Variants in KIAA1217 observed in about 807,000 individuals in gnomAD.
KIAA1217 encodes KIAA1217.
A neutral mutation model predicts 163.9 loss-of-function variants in KIAA1217; 88 were observed. The ratio of observed to expected loss-of-function variants is 0.54; its 90% CI spans 0.45 to 0.64. The LOEUF (loss-of-function observed/expected upper bound fraction) is 0.64, where lower values mean the gene tolerates loss of function less well. Among genes scored for constraint, KIAA1217 ranks in the 30% least tolerant of loss-of-function variants. KIAA1217 has a pLI of 0.00. For synonymous variants in KIAA1217, 903 were observed against 923.1 expected (o/e 0.98, Z 0.39); for missense variants, 2,372 against 2,475.0 (o/e 0.96, Z 0.88).
chr10:24,125,322 C>CTCTGTG (rs934748198), intron 2 of KIAA1217, among the ~76,000 whole-genome samples: 4 of 143,818 alleles, frequency 2.8e-5, no homozygotes, highest in African/African-American at 1.0e-4. Flanking sequence ...ATCCTATGCT[C>CTCTGTG]TGTGTGTGTG....
chr10:24,238,720 A>G (rs754251397), intron 2 of KIAA1217, among the ~76,000 whole-genome samples: 5 of 152,180 alleles, frequency 3.3e-5, no homozygotes, highest in Non-Finnish European at 5.9e-5. Flanking sequence ...AGAAGTATCA[A>G]TTGAAGGTTT....
intron 2 of KIAA1217, among the ~76,000 whole-genome samples, chr10:24,296,184 G>A (rs2040581667): frequency 6.6e-6 from 1 of 152,082 alleles, no homozygotes; most frequent in African/African-American, 2.4e-5. Flanking sequence ...GCTCACTGCA[G>A]CCTTGACCTC....
At chr10:24,242,150 G>T (rs1243366120) in intron 2 of KIAA1217, among the ~76,000 whole-genome samples, 4 of 152,154 alleles carry the variant, frequency 2.6e-5, no homozygotes, top group Non-Finnish European at 5.9e-5. Flanking sequence ...TTTATTTTTA[G>T]ATATAGGAGG....
intron 2 of KIAA1217, among the ~76,000 whole-genome samples, chr10:24,369,753 C>T (rs1479225423): frequency 6.6e-6 from 1 of 152,206 alleles, no homozygotes; most frequent in African/African-American, 2.4e-5. Flanking sequence ...GCAATCCTCA[C>T]ACAGACACCT....
rs141717054 is a variant in KIAA1217 at position 24,402,719 on chromosome 10, C to T, written c.553+21652C>T. ...AACCCAAAATAGAACCACCCAAATACGCCCACTTGGTCTTTTACAAAATTT... is the reference window on the plus strand; with the variant it reads ...AACCCAAAATAGAACCACCCAAATATGCCCACTTGGTCTTTTACAAAATTT... On this transcript the variant is annotated intron_variant, in intron 3 of 20. Transcript: ENST00000376454. Among the ~76,000 whole-genome samples, 833 of 152,168 alleles carry T rather than the reference C, an allele frequency of 5.5e-3. 7 individuals are homozygous for T. The highest frequency in any genetic ancestry group is 0.018 in the African/African-American group (759 of 41,528).
intron 1 of KIAA1217, among the ~76,000 whole-genome samples, chr10:23,712,093 A>AG (rs1837293917): frequency 6.6e-6 from 1 of 152,140 alleles, no homozygotes; most frequent in South Asian, 2.1e-4. Flanking sequence ...CCCACAGGCA[A>AG]GGAAGAAATG....
intron 1 of KIAA1217, among the ~76,000 whole-genome samples, chr10:23,908,021 T>C (rs1842244713): frequency 6.6e-6 from 1 of 151,974 alleles, no homozygotes; most frequent in African/African-American, 2.4e-5. Context: ...GGTAATCAGA[T>C]AATGAATCTC....
rs1281688013 is a variant in KIAA1217, at chr10:24,138,084, CTTAGTA to C, written c.-170-81538_-170-81533del. 2.0e-5 allele frequency among the ~76,000 whole-genome samples: 3 copies of C among 152,102 alleles called. No individual in the cohort carries two copies. The East Asian group carries it at 5.8e-4, about 29-fold the overall frequency. ...ATAGTAGCATAAGGTTCTTTCCAAC[CTTAGTA>C]TTATGCGTAGTTTTCTTCTGGACTT... On this transcript the variant is annotated intron_variant, in intron 2 of 18. Transcript: ENST00000376462.
At chr10:24,538,548 TGGAG>T (rs200883442) in intron 17 of KIAA1217, among the ~76,000 whole-genome samples, 30,947 of 79,878 alleles carry the variant, frequency 0.39, 4,627 homozygotes, top group African/African-American at 0.47. Context: ...GTAGGAGGGA[TGGAG>T]GGAGGGAGGG....
At position 24,412,178 on chromosome 10, in the gene KIAA1217, CAA is replaced by C. The variant is rs11298641; in HGVS notation, c.554-20806_554-20805del. ...GAGAATATCACAAAAATGTTTGGTC[CAA>C]AAAAAAAAAAGAGAAGAAATCTGAA... On this transcript the variant is annotated intron_variant, in intron 3 of 20. Coordinates refer to ENST00000376454, the MANE Select transcript of KIAA1217 (RefSeq NM_019590.5). Among the ~76,000 whole-genome samples, 261 of 144,176 alleles carry C rather than the reference CAA, an allele frequency of 1.8e-3. 2 individuals are homozygous for C. Among genetic ancestry groups the C allele is most frequent in the African/African-American group, 5.8e-3 (232 of 39,740 alleles). 94.6% of individuals were successfully genotyped at this position (144,176 alleles called of 152,430 possible).
At chr10:23,720,068 A>G (rs1382480300) in intron 1 of KIAA1217, among the ~76,000 whole-genome samples, 1 of 151,842 alleles carries the variant, frequency 6.6e-6, no homozygotes, top group African/African-American at 2.4e-5. Flanking sequence ...GGGGATTTGA[A>G]TTTAGTATGA....
At chr10:24,077,081 T>C (rs1241610914) in intron 2 of KIAA1217, among the ~76,000 whole-genome samples, 1 of 152,140 alleles carries the variant, frequency 6.6e-6, no homozygotes, top group East Asian at 1.9e-4. Context: ...TTTACCGTGT[T>C]GGTCAGGCTG....
chr10:23,696,312 A>C (rs1018122589), intron 1 of KIAA1217, among the ~76,000 whole-genome samples: 3 of 152,226 alleles, frequency 2.0e-5, no homozygotes, highest in African/African-American at 7.2e-5. Flanking sequence ...GAGGGTTCTC[A>C]GGAATTTGAT....
chr10:24,016,230 T>C (rs950267057), intron 2 of KIAA1217, among the ~76,000 whole-genome samples: 4 of 152,162 alleles, frequency 2.6e-5, no homozygotes, highest in African/African-American at 7.2e-5. Context: ...CTGTGTATTA[T>C]GTCTGTTATC....
intron 2 of KIAA1217, among the ~76,000 whole-genome samples, chr10:24,149,568 GA>G (rs545071322): frequency 6.6e-6 from 1 of 150,856 alleles, no homozygotes; most frequent in South Asian, 2.1e-4. Flanking sequence ...GAAGTGGCTA[GA>G]AATAAGAAAA....
chr10:24,418,508 A>G (rs1370274292), intron 3 of KIAA1217, among the ~76,000 whole-genome samples: 1 of 152,254 alleles, frequency 6.6e-6, no homozygotes, highest in Non-Finnish European at 1.5e-5. Flanking sequence ...CGCAAATTAC[A>G]TAAAAAATAG....
chr10:24,352,060 A>G, intron 2 of KIAA1217, among the ~76,000 whole-genome samples: 1 of 152,238 alleles, frequency 6.6e-6, no homozygotes. Context: ...GTTTTTCCTC[A>G]TCTTTCATCA....
chr10:24,132,273 G>GA (rs141537661), intron 2 of KIAA1217, among the ~76,000 whole-genome samples: 3 of 151,850 alleles, frequency 2.0e-5, no homozygotes, highest in South Asian at 2.1e-4. Flanking sequence ...GCTGAAAGAC[G>GA]AAAAGAAAAT....
chr10:23,970,746 T>C (rs1286630531), intron 1 of KIAA1217, among the ~76,000 whole-genome samples: 1 of 152,220 alleles, frequency 6.6e-6, no homozygotes, highest in Non-Finnish European at 1.5e-5. Context: ...ACCCCTCCTC[T>C]CTGCCAAGGG....
Sources: gnomAD v4.1 joint callset for allele counts (sites outside exome capture counted in the v4.1 genomes callset) on GRCh38, gnomAD v4.1.1 for gene constraint, MANE v1.5 for transcripts, NCBI Gene and HGNC (gene_info 2026-07-23, HGNC 2026-07-21) for gene names.